Variants in EYS observed in about 807,000 individuals in gnomAD.
The protein encoded by EYS is EGF-like photoreceptor maintenance factor, also known as protein eyes shut homolog.
A neutral mutation model predicts 282.1 loss-of-function variants in EYS; 250 were observed. The observed-to-expected ratio is 0.89, with a 90% CI of 0.80 to 0.98. The LOEUF is 0.98. Ranked by LOEUF, EYS falls within the 50% of genes least tolerant of loss-of-function variation. The pLI is 0.00. For missense variants in EYS, 4,016 were observed against 3,709.0 expected (o/e 1.08, Z -2.15); for synonymous variants, 1,355 against 1,282.9 (o/e 1.06, Z -1.20).
chr6:64,178,373 G>A (rs1764695953), intron 31 of EYS, among the ~76,000 whole-genome samples: 1 of 152,080 alleles, frequency 6.6e-6, no homozygotes, highest in Non-Finnish European at 1.5e-5. Flanking sequence ...GAAGACAACA[G>A]AGTCCTTGTA....
intron 15 of EYS, among the ~76,000 whole-genome samples, chr6:64,936,666 C>T (rs574717279): frequency 2.0e-5 from 3 of 151,194 alleles, no homozygotes; most frequent in Non-Finnish European, 3.0e-5. Context: ...GAAGACAATT[C>T]CATTTCTAAT....
intron 36 of EYS, among the ~76,000 whole-genome samples, chr6:63,810,094 GAAAAAA>G (rs1771006575): frequency 3.4e-5 from 5 of 145,670 alleles, no homozygotes; most frequent in Admixed American, 1.4e-4. Context: ...AAAAAAAAAA[GAAAAAA>G]GAAAAAGAAA....
chr6:63,868,775 GA>G (rs1204887647), intron 35 of EYS, among the ~76,000 whole-genome samples: 1 of 152,106 alleles, frequency 6.6e-6, no homozygotes, highest in Non-Finnish European at 1.5e-5. Context: ...TAATTACAAA[GA>G]ATACTTCCCC....
chr6:64,575,376 T>C (rs1765850116), intron 26 of EYS, among the ~76,000 whole-genome samples: 1 of 152,068 alleles, frequency 6.6e-6, no homozygotes, highest in Non-Finnish European at 1.5e-5. Flanking sequence ...TTTCTTAGAA[T>C]TGAAAACATA....
intron 5 of EYS, among the ~76,000 whole-genome samples, chr6:65,408,426 T>C (rs1182254062): frequency 6.6e-6 from 1 of 152,100 alleles, no homozygotes; most frequent in African/African-American, 2.4e-5. Flanking sequence ...TATATGAATT[T>C]TCCATTTCTT....
chr6:65,224,094 T>TCCAACAACAGCAAAATA (rs1766551251), intron 12 of EYS, among the ~76,000 whole-genome samples: 1 of 152,024 alleles, frequency 6.6e-6, no homozygotes, highest in African/African-American at 2.4e-5. Context: ...GGATAGTCCA[T>TCCAACAACAGCAAAATA]CCAACAACAG....
At chr6:65,113,394 A>C (rs1218961611) in intron 12 of EYS, among the ~76,000 whole-genome samples, 1 of 84,554 alleles carries the variant, frequency 1.2e-5, no homozygotes, top group Non-Finnish European at 2.3e-5. Context: ...TTGAGATCTA[A>C]AAAAAAAATT....
At chr6:65,582,198 C>CAAATAAATAAATAAATAAAT (rs3049810) in intron 2 of EYS, among the ~76,000 whole-genome samples, 3 of 143,274 alleles carry the variant, frequency 2.1e-5, no homozygotes, top group African/African-American at 7.7e-5. Context: ...TCCATCTCAA[C>CAAATAAATAAATAAATAAAT]AAATAAATAA....
At chr6:64,230,248 G>C (rs1397887835) in intron 31 of EYS, among the ~76,000 whole-genome samples, 1 of 152,014 alleles carries the variant, frequency 6.6e-6, no homozygotes, top group Non-Finnish European at 1.5e-5. Context: ...CAATAAAATA[G>C]TATTAATTAG....
chr6:64,876,906 T>C (rs563964743), intron 19 of EYS, among the ~76,000 whole-genome samples: 5 of 152,056 alleles, frequency 3.3e-5, no homozygotes, highest in Non-Finnish European at 7.4e-5. Context: ...GTTCAAGTAT[T>C]TTGGGAAGCT....
At chr6:64,887,180 A>G (rs1767119842) in intron 18 of EYS, among the ~76,000 whole-genome samples, 1 of 151,020 alleles carries the variant, frequency 6.6e-6, no homozygotes. Flanking sequence ...TATCACAAGG[A>G]CAAAAAACCA....
At chr6:64,043,243 G>C (rs1770470292) in intron 33 of EYS, among the ~76,000 whole-genome samples, 1 of 152,072 alleles carries the variant, frequency 6.6e-6, no homozygotes, top group Non-Finnish European at 1.5e-5. Context: ...TGGGTAGGTG[G>C]GCACTGCTGG....
At chr6:64,968,297 T>C (rs1408126213) in intron 14 of EYS, among the ~76,000 whole-genome samples, 1 of 152,214 alleles carries the variant, frequency 6.6e-6, no homozygotes, top group Non-Finnish European at 1.5e-5. Flanking sequence ...TACTCAGTGA[T>C]GCAGTTGTTC....
intron 34 of EYS, among the ~76,000 whole-genome samples, chr6:63,997,780 C>T (rs1473458224): frequency 6.6e-6 from 1 of 152,062 alleles, no homozygotes; most frequent in African/African-American, 2.4e-5. Context: ...TTACTGGATT[C>T]TATGTGTTAA....
At chr6:64,912,776 G>A in intron 15 of EYS, 33 bp from the exon 16 acceptor site, 3 of 1,290,278 alleles carry the variant, frequency 2.3e-6, no homozygotes, top group Non-Finnish European at 3.0e-6. Context: ...TTAGAAGTGT[G>A]AACTCTTTTT....
intron 5 of EYS, among the ~76,000 whole-genome samples, 158 bp from the exon 6 acceptor site, chr6:65,405,525 T>C (rs1287025152): frequency 6.6e-6 from 1 of 152,058 alleles, no homozygotes; most frequent in Non-Finnish European, 1.5e-5. Flanking sequence ...TATTATAAAA[T>C]TCATTCATTG....
At chr6:64,229,869 T>C (rs1328480840) in intron 31 of EYS, among the ~76,000 whole-genome samples, 1 of 152,216 alleles carries the variant, frequency 6.6e-6, no homozygotes, top group Non-Finnish European at 1.5e-5. Context: ...ATCTGAATCA[T>C]AATTCAGTAG....
At chr6:64,485,160 G>T (rs1404628650) in intron 26 of EYS, among the ~76,000 whole-genome samples, 2 of 151,568 alleles carry the variant, frequency 1.3e-5, no homozygotes, top group African/African-American at 4.8e-5. Flanking sequence ...AGAAATAAGG[G>T]TCCAGCTTAA....
At chr6:64,687,118 C>T (rs7752267) in intron 22 of EYS, among the ~76,000 whole-genome samples, 97,653 of 150,810 alleles carry the variant, frequency 0.65, 33,531 homozygotes, top group Middle Eastern at 0.77. Flanking sequence ...AAACATTTAA[C>T]GTAGAAATAA....
Sources: allele counts gnomAD v4.1 joint callset (sites outside exome capture counted in the v4.1 genomes callset), GRCh38; gene constraint gnomAD v4.1.1; transcripts MANE v1.5; gene names NCBI Gene and HGNC (gene_info 2026-07-23, HGNC 2026-07-21).